The following SUSD4 variants were observed in gnomAD, a reference collection of about 807,000 sequenced individuals.
The protein encoded by SUSD4 is sushi domain containing 4.
SUSD4 carries 41 observed loss-of-function variants against 50.5 expected under a neutral mutation model. The ratio of observed to expected loss-of-function variants is 0.81; its 90% confidence interval spans 0.63 to 1.05. SUSD4 has a LOEUF of 1.05. SUSD4 is among the 50% of genes least tolerant of loss of function. The pLI is 0.00. For synonymous variants in SUSD4, 257 were observed against 257.3 expected, an observed-to-expected ratio of 1.00 and a Z score of 0.01; for missense variants, 580 against 634.7, an observed-to-expected ratio of 0.91 and a Z score of 0.93.
chr1:223,282,772 G>A (rs903268605), intron 3 of SUSD4, among the ~76,000 whole-genome samples: 9 of 152,188 alleles, frequency 5.9e-5, no homozygotes, highest in Non-Finnish European at 1.3e-4. Context: ...AAAAGAGCCT[G>A]CATTGCCAAG....
intron 2 of SUSD4, 56 bp downstream of exon 2, chr1:223,363,222 C>T (rs928848343): frequency 2.8e-6 from 4 of 1,443,002 alleles, no homozygotes; most frequent in Admixed American, 2.5e-5. Flanking sequence ...GGCAGCTAGG[C>T]TCTTTCTCCC....
intron 5 of SUSD4, 116 bp downstream of exon 5, chr1:223,264,514 T>C: frequency 6.8e-7 from 1 of 1,475,762 alleles, no homozygotes; most frequent in East Asian, 2.4e-5. Flanking sequence ...GTGAGAAAGA[T>C]GTATTCAGAG....
chr1:223,221,136 TG>T lies in SUSD4; in HGVS notation c.*1055del. The T allele has an allele frequency of 2.5e-6, 1 of 400,858 alleles. No homozygotes were observed. Among genetic ancestry groups the T allele is most frequent in the Non-Finnish European group, 4.4e-6 (1 of 226,258 alleles). 24.8% of individuals were successfully genotyped at this position (400,858 alleles called of 1,614,324 possible). A position where few individuals can be genotyped will look rare whatever the true frequency, so the allele number is the denominator to read the frequency against. ...GGTGAGGTGGCTGAGCTATCTGGGCTGGGAGGCCAGCCTCCTGGAATCTTAG... is the reference window on the plus strand; with the variant it reads ...GGTGAGGTGGCTGAGCTATCTGGGCTGGAGGCCAGCCTCCTGGAATCTTAG... On this transcript the variant is annotated 3_prime_UTR_variant, in exon 9 of 9. Coordinates refer to ENST00000366878, the MANE Select transcript of SUSD4 (RefSeq NM_017982.4).
intron 2 of SUSD4, among the ~76,000 whole-genome samples, chr1:223,331,456 C>G (rs1667167158): frequency 6.6e-6 from 1 of 152,188 alleles, no homozygotes; most frequent in South Asian, 2.1e-4. Flanking sequence ...AGCAAAAACA[C>G]AGCTGAACCT....
intron 7 of SUSD4, among the ~76,000 whole-genome samples, chr1:223,225,169 C>T (rs1043727445): frequency 3.9e-5 from 6 of 151,930 alleles, no homozygotes; most frequent in Non-Finnish European, 8.8e-5. Flanking sequence ...TGTGCCCGGC[C>T]GGAACTTGGT....
At chr1:223,293,828 A>G (rs990684611) in intron 2 of SUSD4, among the ~76,000 whole-genome samples, 2 of 151,882 alleles carry the variant, frequency 1.3e-5, no homozygotes, top group African/African-American at 4.8e-5. Flanking sequence ...TGCTCCTAAT[A>G]TGTCCTTACT....
intron 3 of SUSD4, among the ~76,000 whole-genome samples, chr1:223,269,975 G>A (rs1027772453): frequency 6.6e-6 from 1 of 152,180 alleles, no homozygotes; most frequent in Admixed American, 6.5e-5. Context: ...GGTGACTCTC[G>A]TGGCTAGGAA....
chr1:223,220,986 T>A lies in SUSD4; in HGVS notation c.*1206A>T, dbSNP rs1401841463. 1 of 400,694 alleles carries A rather than the reference T, an allele frequency of 2.5e-6. No homozygotes were observed. The highest frequency in any genetic ancestry group is 4.4e-6 in the Non-Finnish European group (1 of 226,250). 24.8% of individuals were successfully genotyped at this position (400,694 alleles called of 1,614,324 possible). A position where few individuals can be genotyped will look rare whatever the true frequency, so the allele number is the denominator to read the frequency against. On this transcript the variant is annotated 3_prime_UTR_variant, in exon 9 of 9. Transcript: ENST00000366878. The stretch of plus-strand genomic sequence containing the variant: ...GAAGGAAAGGAATCAACTCCACAGA[T>A]CAACATGTATTTGAAGAGACACTTC...
intron 2 of SUSD4, among the ~76,000 whole-genome samples, chr1:223,338,157 T>C (rs1372305148): frequency 6.6e-6 from 1 of 152,234 alleles, no homozygotes; most frequent in Non-Finnish European, 1.5e-5. Flanking sequence ...CGTACATGTT[T>C]CACCAAAAAT....
rs1336780749 is a variant in SUSD4 at position 223,229,179 on chromosome 1, T to A, written c.916+18A>T. 7 of 1,585,166 alleles carry A rather than the reference T, an allele frequency of 4.4e-6. No individual in the cohort carries two copies. The highest frequency in any genetic ancestry group is 3.3e-5 in the South Asian group (3 of 89,562). On this transcript the variant is annotated intron_variant, in intron 6 of 8. Coordinates refer to ENST00000366878, the MANE Select transcript of SUSD4 (RefSeq NM_017982.4). This position sits in a 1 kb window ranked among gnomAD's most constrained non-coding sequence, Gnocchi z 4.7. ...AAGGAGGGTCCATCTCCTCCAAGGG[T>A]GAGGCCTTCAGTCTTACCTGATTTG... is the stretch of plus-strand genomic sequence containing the variant.
intron 3 of SUSD4, among the ~76,000 whole-genome samples, chr1:223,283,633 G>A (rs1168782014): frequency 1.3e-5 from 2 of 152,182 alleles, no homozygotes; most frequent in African/African-American, 2.4e-5. Flanking sequence ...ACTGTTGGTG[G>A]GACCGTAAAC....
chr1:223,276,762 C>G (rs897593125), intron 3 of SUSD4, among the ~76,000 whole-genome samples: 7 of 152,202 alleles, frequency 4.6e-5, no homozygotes, highest in African/African-American at 1.4e-4. Flanking sequence ...CTGCTCCTTC[C>G]CTTCTTAGGA....
rs547936111 is a variant in SUSD4, at chr1:223,253,222, A to T, written c.724+11408T>A. ...CACAAGAAAAAAAATGTGCCATGGG[A>T]TGAAGGCTCTGTCCTCTCTGCACAC... On this transcript the variant is annotated intron_variant, in intron 5 of 8. Coordinates refer to ENST00000366878, the MANE Select transcript of SUSD4 (RefSeq NM_017982.4). Among the ~76,000 whole-genome samples the T allele has an allele frequency of 2.0e-5, 3 of 152,264 alleles. No homozygotes were observed. The East Asian group carries it at 5.8e-4, about 29-fold the overall frequency.
chr1:223,327,587 C>T (rs1383121986), intron 2 of SUSD4, among the ~76,000 whole-genome samples: 1 of 152,192 alleles, frequency 6.6e-6, no homozygotes, highest in East Asian at 1.9e-4. Flanking sequence ...TAAAGGAGCT[C>T]CTGGAGAAAG....
intron 5 of SUSD4, among the ~76,000 whole-genome samples, chr1:223,258,594 G>A (rs1661868651): frequency 6.6e-6 from 1 of 152,082 alleles, no homozygotes; most frequent in South Asian, 2.1e-4. Context: ...CAGATGTTCG[G>A]CTTCCAAGGG....
chr1:223,252,124 C>T (rs1242029655), intron 5 of SUSD4, among the ~76,000 whole-genome samples: 3 of 147,546 alleles, frequency 2.0e-5, no homozygotes, highest in Admixed American at 6.8e-5. Flanking sequence ...ATGTAAACGA[C>T]GAGTTAATGG....
chr1:223,362,950 C>CG (rs1447799828), intron 2 of SUSD4, among the ~76,000 whole-genome samples: 1 of 141,556 alleles, frequency 7.1e-6, no homozygotes, highest in Non-Finnish European at 1.6e-5. Flanking sequence ...ACCCCTCCCC[C>CG]CCCCGCCCCC....
At chr1:223,359,866 A>G (rs556704081) in intron 2 of SUSD4, among the ~76,000 whole-genome samples, 1 of 152,330 alleles carries the variant, frequency 6.6e-6, no homozygotes, top group South Asian at 2.1e-4. Flanking sequence ...TTGCTCATTT[A>G]GGAAAAAAAT....
intron 5 of SUSD4, among the ~76,000 whole-genome samples, chr1:223,258,094 C>T (rs137911699): frequency 8.2e-4 from 125 of 152,290 alleles, no homozygotes; most frequent in African/African-American, 2.9e-3. Context: ...CTGTGTCTTT[C>T]CTGTTCCCTA....
Sources: gnomAD v4.1 joint callset for allele counts (sites outside exome capture counted in the v4.1 genomes callset) on GRCh38, gnomAD v4.1.1 for gene constraint, Gnocchi (gnomAD v3.1) non-coding constraint, MANE v1.5 for transcripts, NCBI Gene and HGNC (gene_info 2026-07-23, HGNC 2026-07-21) for gene names.